Variants in PRKCH observed in about 807,000 individuals in gnomAD.
PRKCH encodes protein kinase C eta type.
PRKCH carries 28 observed loss-of-function variants against 82.5 expected under a neutral mutation model. That is an observed-to-expected ratio of 0.34 (90% CI 0.25 to 0.47). PRKCH has a LOEUF of 0.47. Among genes scored for constraint, PRKCH ranks in the 20% least tolerant of loss-of-function variants. PRKCH has a pLI of 1.00. For synonymous variants in PRKCH, 322 were observed against 327.4 expected (o/e 0.98, Z 0.18); for missense variants, 705 against 881.8 (o/e 0.80, Z 2.54).
intron 2 of PRKCH, among the ~76,000 whole-genome samples, chr14:61,421,969 C>T (rs745612281): frequency 6.6e-6 from 1 of 152,142 alleles, no homozygotes; most frequent in Non-Finnish European, 1.5e-5. Context: ...CAGGTGTGGA[C>T]CCCAGGCTAG....
chr14:61,492,563 A>G (rs1177192676), intron 10 of PRKCH, among the ~76,000 whole-genome samples: 1 of 152,234 alleles, frequency 6.6e-6, no homozygotes, highest in Non-Finnish European at 1.5e-5. Context: ...TTCAACTTAC[A>G]GCTGGCATGA....
chr14:61,393,381 A>G (rs2140205530), intron 2 of PRKCH, among the ~76,000 whole-genome samples: 1 of 152,316 alleles, frequency 6.6e-6, no homozygotes, highest in Non-Finnish European at 1.5e-5. Flanking sequence ...AACAATCTTG[A>G]GTATCTTTAA....
intron 2 of PRKCH, among the ~76,000 whole-genome samples, chr14:61,400,607 A>G (rs1881555622): frequency 6.6e-6 from 1 of 152,232 alleles, no homozygotes; most frequent in Admixed American, 6.5e-5. Context: ...CGTCTTCTCC[A>G]TAATATCTAG....
chr14:61,218,517 A>G (rs1013418409), intron 1 of PRKCH, among the ~76,000 whole-genome samples: 1 of 152,174 alleles, frequency 6.6e-6, no homozygotes, highest in African/African-American at 2.4e-5. Flanking sequence ...GCTTTTGTAC[A>G]TTCCACACTG....
chr14:61,502,677 G>A (rs922834945), intron 10 of PRKCH, among the ~76,000 whole-genome samples: 2 of 152,082 alleles, frequency 1.3e-5, no homozygotes, highest in African/African-American at 2.4e-5. Flanking sequence ...CTCTATGGGC[G>A]CTGTCCCAAA....
chr14:61,244,079 C>G (rs1187091603), intron 1 of PRKCH, among the ~76,000 whole-genome samples: 1 of 152,158 alleles, frequency 6.6e-6, no homozygotes, highest in East Asian at 1.9e-4. Flanking sequence ...CTGGAAAAAA[C>G]AGGAGCATAG....
chr14:61,465,823 C>T (rs934379318), intron 9 of PRKCH, among the ~76,000 whole-genome samples: 30 of 152,064 alleles, frequency 2.0e-4, no homozygotes, highest in African/African-American at 5.8e-4. Flanking sequence ...TTTTATGTTA[C>T]GTAGTTAAAT....
chr14:61,444,655 A>G (rs1322238455), intron 3 of PRKCH, among the ~76,000 whole-genome samples: 12 of 152,188 alleles, frequency 7.9e-5, no homozygotes, highest in Non-Finnish European at 1.8e-4. Flanking sequence ...ATATTGGTGT[A>G]TATATTAATA....
chr14:61,418,917 C>T (rs553798312), intron 2 of PRKCH, among the ~76,000 whole-genome samples: 2 of 152,254 alleles, frequency 1.3e-5, no homozygotes, highest in African/African-American at 4.8e-5. Flanking sequence ...TGACTGATGG[C>T]GAGTTGATCT....
intron 10 of PRKCH, among the ~76,000 whole-genome samples, chr14:61,502,205 T>C (rs1651449070): frequency 6.6e-6 from 1 of 151,478 alleles, no homozygotes; most frequent in African/African-American, 2.4e-5. Context: ...GCTGGGACTA[T>C]AGCACATGCC....
chr14:61,547,942 C>CGG (rs2043280372), intron 13 of PRKCH, 56 bp downstream of exon 13: 1 of 1,584,848 alleles, frequency 6.3e-7, no homozygotes, highest in Non-Finnish European at 8.6e-7. Flanking sequence ...CACAGCATTC[C>CGG]ACCAAAGTCC....
intron 10 of PRKCH, among the ~76,000 whole-genome samples, chr14:61,507,822 G>A (rs1887215827): frequency 6.6e-6 from 1 of 152,080 alleles, no homozygotes; most frequent in Non-Finnish European, 1.5e-5. Context: ...TTTCAGTTAT[G>A]CAGGATAAAC....
chr14:61,548,569 T>A (rs2043288541), intron 13 of PRKCH, among the ~76,000 whole-genome samples: 2 of 151,866 alleles, frequency 1.3e-5, no homozygotes, highest in Non-Finnish European at 2.9e-5. Flanking sequence ...AGATCAAGAG[T>A]GATGGGGAGA....
At chr14:61,196,699 A>G (rs2044445066) in intron 1 of PRKCH, among the ~76,000 whole-genome samples, 2 of 152,204 alleles carry the variant, frequency 1.3e-5, no homozygotes, top group African/African-American at 4.8e-5. Flanking sequence ...GAGAATTCTG[A>G]CCAGTACACG....
At chr14:61,217,783 G>C (rs911610855) in intron 1 of PRKCH, among the ~76,000 whole-genome samples, 1 of 152,202 alleles carries the variant, frequency 6.6e-6, no homozygotes, top group Non-Finnish European at 1.5e-5. Flanking sequence ...TATCCACAGG[G>C]CTGGCTCAGA....
intron 1 of PRKCH, among the ~76,000 whole-genome samples, chr14:61,314,743 C>G (rs1266893444): frequency 6.6e-6 from 1 of 152,124 alleles, no homozygotes; most frequent in Non-Finnish European, 1.5e-5. Flanking sequence ...CTCTTAGGAC[C>G]CTTCCCCTTT....
chr14:61,523,501 G>A (rs938036571), intron 10 of PRKCH, among the ~76,000 whole-genome samples: 1 of 152,172 alleles, frequency 6.6e-6, no homozygotes, highest in Non-Finnish European at 1.5e-5. Flanking sequence ...AAGTAAATCT[G>A]AATCCTGATT....
intron 1 of PRKCH, among the ~76,000 whole-genome samples, chr14:61,312,402 C>A (rs903994898): frequency 2.6e-5 from 4 of 152,140 alleles, no homozygotes; most frequent in African/African-American, 9.7e-5. Flanking sequence ...AGTTTGATAG[C>A]CTGCTTTTTT....
rs1793458078 is a variant in PRKCH, at chr14:61,254,083, G to T, written c.-19+66415G>T. Among the ~76,000 whole-genome samples, 3 of 148,246 alleles carry T rather than the reference G, an allele frequency of 2.0e-5. No homozygotes were observed. The South Asian group carries it at 6.5e-4, about 32-fold the overall frequency. On this transcript the variant is annotated intron_variant, in intron 1 of 3. Coordinates refer to the PRKCH transcript ENST00000555185. Reference sequence around the variant, plus strand: ...TCTACTATGTCGAAACTCTATGCGAGACATTGAGGAGTATAAAAAGCTGAA... The same window carrying T: ...TCTACTATGTCGAAACTCTATGCGATACATTGAGGAGTATAAAAAGCTGAA...
Sources: allele counts gnomAD v4.1 joint callset (sites outside exome capture counted in the v4.1 genomes callset), GRCh38; gene constraint gnomAD v4.1.1; transcripts MANE v1.5; gene names NCBI Gene and HGNC (gene_info 2026-07-23, HGNC 2026-07-21).